SPMIP2: variants seen among roughly 807,000 people sequenced by gnomAD.
SPMIP2 encodes the protein sperm microtubule inner protein 2, also known as protein SPMIP2.
At chr4:158,907,717 T>C in the SPMIP2 span, 2 of 152,234 alleles carry the variant, frequency 1.3e-5, no homozygotes, top group African/African-American at 4.8e-5. Context: ...TTGTTTTTTA[T>C]TGTGCTTGGG....
the SPMIP2 span, among the ~76,000 whole-genome samples, chr4:158,912,053 G>C: frequency 6.6e-6 from 1 of 151,942 alleles, no homozygotes; most frequent in Non-Finnish European, 1.5e-5. Context: ...AATAAATAAT[G>C]AATGTATTAT....
chr4:158,922,447 G>A, the SPMIP2 span, among the ~76,000 whole-genome samples: 27 of 152,258 alleles, frequency 1.8e-4, no homozygotes, highest in Non-Finnish European at 7.4e-5. Flanking sequence ...AAGGGAAGAG[G>A]AACATGGTCA....
At chr4:158,926,384 GTGTT>G in the SPMIP2 span, among the ~76,000 whole-genome samples, 13 of 151,106 alleles carry the variant, frequency 8.6e-5, no homozygotes, top group South Asian at 4.2e-4. Context: ...CATGTGTTGT[GTGTT>G]TGTTTATCTC....
the SPMIP2 span, among the ~76,000 whole-genome samples, chr4:159,060,442 G>C: frequency 6.6e-6 from 1 of 152,186 alleles, no homozygotes; most frequent in Admixed American, 6.5e-5. Context: ...AGTGGAGTCA[G>C]AAAACAGAAG....
the SPMIP2 span, among the ~76,000 whole-genome samples, chr4:159,062,724 T>TCTCTCTCTCTCTCTCTCTCC: frequency 1.3e-5 from 2 of 151,574 alleles, no homozygotes; most frequent in African/African-American, 4.8e-5. Flanking sequence ...TCTCTCTCTC[T>TCTCTCTCTCTCTCTCTCTCC]GTCACCCAGG....
chr4:159,050,204 ATTT>A, the SPMIP2 span, among the ~76,000 whole-genome samples: 230 of 114,456 alleles, frequency 2.0e-3, no homozygotes, highest in African/African-American at 6.6e-3. Context: ...CCACCACTGT[ATTT>A]TTTTTTTTTT....
At chr4:158,992,777 C>A in the SPMIP2 span, among the ~76,000 whole-genome samples, 1 of 152,176 alleles carries the variant, frequency 6.6e-6, no homozygotes, top group African/African-American at 2.4e-5. Flanking sequence ...GGTGGAAGGA[C>A]AAGCAAGCTG....
the SPMIP2 span, chr4:158,973,141 A>T: frequency 6.2e-7 from 1 of 1,612,336 alleles, no homozygotes; most frequent in Non-Finnish European, 8.5e-7. Context: ...GGTATTCTCC[A>T]ACCAATTTCA....
At chr4:158,950,666 C>T in the SPMIP2 span, among the ~76,000 whole-genome samples, 1 of 152,246 alleles carries the variant, frequency 6.6e-6, no homozygotes, top group Admixed American at 6.5e-5. Context: ...GAGACCGAGG[C>T]AGGTGGATCA....
At chr4:159,057,652 A>C in the SPMIP2 span, among the ~76,000 whole-genome samples, 2 of 152,212 alleles carry the variant, frequency 1.3e-5, no homozygotes, top group East Asian at 3.8e-4. Context: ...TTATTGCCTC[A>C]TTATATAATA....
the SPMIP2 span, among the ~76,000 whole-genome samples, chr4:158,984,187 A>G: frequency 2.3e-5 from 1 of 44,176 alleles, no homozygotes; most frequent in Non-Finnish European, 5.0e-5. Flanking sequence ...CTCCCACACA[A>G]TAATAATGGG....
the SPMIP2 span, among the ~76,000 whole-genome samples, chr4:158,942,882 C>T: frequency 3.3e-5 from 5 of 152,142 alleles, no homozygotes; most frequent in Admixed American, 6.5e-5. Context: ...GGTAAAATTA[C>T]CTATTTATGT....
At chr4:159,012,697 G>A in the SPMIP2 span, among the ~76,000 whole-genome samples, 8 of 151,660 alleles carry the variant, frequency 5.3e-5, no homozygotes, top group African/African-American at 1.5e-4. Context: ...TCAGCTTCCC[G>A]AGTAGCTGGG....
chr4:158,916,290 G>A, the SPMIP2 span, among the ~76,000 whole-genome samples: 9 of 152,046 alleles, frequency 5.9e-5, no homozygotes. Flanking sequence ...GAAGTACTAG[G>A]AAAAAAAATT....
At chr4:158,932,248 T>C in the SPMIP2 span, among the ~76,000 whole-genome samples, 1 of 152,180 alleles carries the variant, frequency 6.6e-6, no homozygotes, top group African/African-American at 2.4e-5. Flanking sequence ...GGTGGATCAC[T>C]TGAGGTCAGA....
chr4:159,082,225 C>T, the SPMIP2 span, among the ~76,000 whole-genome samples: 90 of 150,942 alleles, frequency 6.0e-4, no homozygotes, highest in Non-Finnish European at 1.1e-3. Context: ...CCCAGCTACT[C>T]TGGAAGCTGA....
At chr4:159,033,543 A>C in the SPMIP2 span, among the ~76,000 whole-genome samples, 1 of 152,256 alleles carries the variant, frequency 6.6e-6, no homozygotes, top group Non-Finnish European at 1.5e-5. Flanking sequence ...TGCATAAAAC[A>C]ACCTTACTGA....
chr4:159,034,985 A>G, the SPMIP2 span: 1 of 1,436,576 alleles, frequency 7.0e-7, no homozygotes, highest in Non-Finnish European at 9.7e-7. Context: ...TGTGAGAGAA[A>G]AAGCAAATTT....
At chr4:158,898,744 TGGG>T in the SPMIP2 span, among the ~76,000 whole-genome samples, 583 of 152,342 alleles carry the variant, frequency 3.8e-3, 5 homozygotes, top group Middle Eastern at 0.02. Context: ...GCTGAAATGT[TGGG>T]GTTTTCCAAA....
Sources: allele counts gnomAD v4.1 joint callset (sites outside exome capture counted in the v4.1 genomes callset), GRCh38; gene constraint gnomAD v4.1.1; transcripts MANE v1.5; gene names NCBI Gene and HGNC (gene_info 2026-07-23, HGNC 2026-07-21).